The following CSRNP2 variants were observed in gnomAD, a reference collection of about 807,000 sequenced individuals.
CSRNP2 encodes the protein cysteine/serine-rich nuclear protein 2.
In CSRNP2, 11 loss-of-function variants were observed where a neutral mutation model predicts 36.6. The observed-to-expected ratio is 0.30, with a 90% CI of 0.19 to 0.50. The LOEUF (loss-of-function observed/expected upper bound fraction) is 0.50. Among genes scored for constraint, CSRNP2 ranks in the 20% least tolerant of loss-of-function variants. CSRNP2 has a pLI of 0.98. For missense variants in CSRNP2, 483 were observed against 691.4 expected (o/e 0.70, Z 3.38); for synonymous variants, 248 against 275.3 (o/e 0.90, Z 0.98).
At chr12:51,068,818 C>T (rs1009991508) in intron 3 of CSRNP2, among the ~76,000 whole-genome samples, 3 of 152,236 alleles carry the variant, frequency 2.0e-5, no homozygotes, top group Admixed American at 2.0e-4. Context: ...TAGTAAAAGG[C>T]TACCAGGTCT....
In CSRNP2 at chr12:51,064,322, G is replaced by C. The variant is rs1255428126; in HGVS notation, c.1056C>G (p.Ser352Arg). ...GGATGCACACACCCAGGCTCTCGAT[G>C]CTCGAGTCCAGGCTGGCACTAGAGC... is the stretch of plus-strand genomic sequence containing the variant. ...SSGSSASLDS[S>R]IESLGVCILE... Residue 352 changes from serine (S) to arginine (R), a missense_variant, in exon 5 of 5, where the codon AGC becomes AGG. Ser to Arg is a moderately radical substitution (Grantham distance 110, BLOSUM62 -1). Coordinates refer to ENST00000228515, the MANE Select transcript of CSRNP2 (RefSeq NM_030809.3). 1.2e-6 allele frequency: 2 copies of C among 1,614,162 alleles called. No individual in the cohort carries two copies. The highest frequency in any genetic ancestry group is 1.7e-6 in the Non-Finnish European group (2 of 1,180,014).
At chr12:51,064,768 T>G in intron 4 of CSRNP2, 99 bp from the exon 5 acceptor site, 1 of 1,084,852 alleles carries the variant, frequency 9.2e-7, no homozygotes, top group East Asian at 2.6e-5. Context: ...GGATTTGAGG[T>G]CTCCTTGTAA....
intron 3 of CSRNP2, among the ~76,000 whole-genome samples, chr12:51,069,177 G>A (rs529022806): frequency 1.3e-5 from 2 of 151,582 alleles, no homozygotes; most frequent in Non-Finnish European, 2.9e-5. Context: ...GGGTTTCACC[G>A]TGTTAGCCAG....
chr12:51,082,446 ACAAC>A (rs1939680424), intron 1 of CSRNP2: 1 of 152,228 alleles, frequency 6.6e-6, no homozygotes, highest in South Asian at 2.1e-4. Context: ...TAACACCGGC[ACAAC>A]CAACATCCTG....
At chr12:51,065,418 CAAGT>C (rs1424692122) in intron 4 of CSRNP2, among the ~76,000 whole-genome samples, 2 of 152,168 alleles carry the variant, frequency 1.3e-5, no homozygotes, top group Admixed American at 6.6e-5. Context: ...ATTAAAACCA[CAAGT>C]AAGCAAATAA....
At position 51,073,979 on chromosome 12, in the gene CSRNP2, C is replaced by T; in HGVS notation, c.255G>A (p.Val85=). 1 of 1,614,228 alleles carries T rather than the reference C, an allele frequency of 6.2e-7. No individual in the cohort carries two copies. The highest frequency in any genetic ancestry group is 1.3e-5 in the African/African-American group (1 of 75,060). ...CCAGAGAGCTACCACCCTGGCTGGG[C>T]ACACTGGTAAAACCTTGGCGCCGGG... The part of the protein sequence containing the change: ...YFARRQGFTS[V]PSQGGSSLGM... Residue 85 remains valine (V), a synonymous_variant, in exon 3 of 5, where the codon GTG becomes GTA. Transcript: ENST00000228515.
intron 1 of CSRNP2, among the ~76,000 whole-genome samples, chr12:51,082,244 G>A (rs1213094778): frequency 6.6e-6 from 1 of 152,162 alleles, no homozygotes; most frequent in Non-Finnish European, 1.5e-5. Flanking sequence ...AAGCACCCAA[G>A]TGAAAACCCC....
At chr12:51,074,688 A>G (rs1232313487) in intron 2 of CSRNP2, among the ~76,000 whole-genome samples, 1 of 152,198 alleles carries the variant, frequency 6.6e-6, no homozygotes, top group Non-Finnish European at 1.5e-5. Context: ...TTTTCTGGAT[A>G]TAAGAATCTA....
chr12:51,077,075 G>C (rs1263877561), intron 1 of CSRNP2, among the ~76,000 whole-genome samples: 2 of 143,884 alleles, frequency 1.4e-5, no homozygotes, highest in Non-Finnish European at 3.0e-5. Flanking sequence ...AAAAAGAAAA[G>C]CAGAATTAGG....
intron 3 of CSRNP2, among the ~76,000 whole-genome samples, chr12:51,072,143 GGCT>G (rs1158484239): frequency 3.3e-5 from 5 of 152,070 alleles, no homozygotes; most frequent in African/African-American, 1.2e-4. Context: ...GCATGCTTTG[GGCT>G]TCAAAGAAAC....
chr12:51,072,644 T>TGAAGA (rs1555247785), intron 3 of CSRNP2, among the ~76,000 whole-genome samples: 507 of 8,664 alleles, frequency 0.059, 11 homozygotes, highest in Middle Eastern at 0.12. Flanking sequence ...CCTCTCTCTC[T>TGAAGA]CGAAGAAGAG....
At chr12:51,069,947 G>A (rs944125797) in intron 3 of CSRNP2, among the ~76,000 whole-genome samples, 1 of 151,752 alleles carries the variant, frequency 6.6e-6, no homozygotes, top group Non-Finnish European at 1.5e-5. Context: ...TGATCCGCCC[G>A]CCTCAGCCTC....
At chr12:51,082,254 C>T (rs553724188) in intron 1 of CSRNP2, among the ~76,000 whole-genome samples, 147 of 152,258 alleles carry the variant, frequency 9.7e-4, no homozygotes, top group African/African-American at 3.4e-3. Context: ...GTGAAAACCC[C>T]CCGCTTAAGT....
chr12:51,074,175 T>G, intron 2 of CSRNP2, 93 bp from the exon 3 acceptor site: 1 of 1,396,652 alleles, frequency 7.2e-7, no homozygotes. Context: ...TGGAGTGCTG[T>G]GGCACTGTCT....
At chr12:51,068,966 C>T (rs1938709089) in intron 3 of CSRNP2, among the ~76,000 whole-genome samples, 2 of 152,088 alleles carry the variant, frequency 1.3e-5, no homozygotes, top group Non-Finnish European at 2.9e-5. Context: ...AAATGTATTT[C>T]TTCTCCTTTC....
In CSRNP2 at chr12:51,076,293, C is replaced by T. The variant is rs958662258; in HGVS notation, c.151+118G>A. The T allele has an allele frequency of 3.2e-5, 35 of 1,096,396 alleles. No homozygotes were observed. In the African/African-American group the frequency reaches 4.5e-4, roughly 14 times the overall value. 67.9% of individuals were successfully genotyped at this position (1,096,396 alleles called of 1,614,324 possible). A position where few individuals can be genotyped will look rare whatever the true frequency, so the allele number is the denominator to read the frequency against. On this transcript the variant is annotated intron_variant, in intron 2 of 4. Transcript: ENST00000228515. Reference sequence around the variant, plus strand: ...GAGAGAAATGAGGTCCTCCAAAGAGCAAGGAAAGATGATGATTAAGGGCAA... The same window carrying T: ...GAGAGAAATGAGGTCCTCCAAAGAGTAAGGAAAGATGATGATTAAGGGCAA...
rs1937645751 is a variant in CSRNP2 at position 51,062,248 on chromosome 12, G to C, written c.*1498C>G. 1.3e-5 allele frequency: 2 copies of C among 152,216 alleles called. No homozygotes were observed. 9.4% of individuals were successfully genotyped at this position (152,216 alleles called of 1,614,324 possible). On this transcript the variant is annotated 3_prime_UTR_variant, in exon 5 of 5. Transcript: ENST00000228515. ...GGCTTTATGAGCAAGATAAGTAGGA[G>C]TAGTGTCTCCCCCCCAACACAGTTT...
At position 51,063,787 on chromosome 12, in the gene CSRNP2, G is replaced by A. The variant is rs1458927461; in HGVS notation, c.1591C>T (p.Pro531Ser). 3 of 1,594,136 alleles carry A rather than the reference G, an allele frequency of 1.9e-6. No individual in the cohort carries two copies. Among genetic ancestry groups the A allele is most frequent in the East Asian group, 2.2e-5 (1 of 44,712 alleles). Residue 531 changes from proline to serine, a missense_variant, in exon 5 of 5, where the codon CCC becomes TCC. Physicochemically the swap from Pro to Ser is moderately conservative, Grantham distance 74 (BLOSUM62 -1). Coordinates refer to ENST00000228515, the MANE Select transcript of CSRNP2 (RefSeq NM_030809.3). ...AGTTCTAAGGAAGAATCTTCAGGGG[G>A]CCGATCCTCATTCTGCTGGGAGGTC... ...VKTSQQNEDR[P>S]PEDSSLELPL...
At chr12:51,065,561 T>C (rs572216003) in intron 4 of CSRNP2, among the ~76,000 whole-genome samples, 4 of 152,118 alleles carry the variant, frequency 2.6e-5, no homozygotes, top group East Asian at 3.9e-4. Context: ...AGTGGTGCCA[T>C]CATGGCTCAC....
Sources: allele counts gnomAD v4.1 joint callset (sites outside exome capture counted in the v4.1 genomes callset), GRCh38; gene constraint gnomAD v4.1.1; transcripts MANE v1.5; gene names NCBI Gene and HGNC (gene_info 2026-07-23, HGNC 2026-07-21).